MYBL2: variants seen among roughly 807,000 people sequenced by gnomAD.
MYBL2 encodes myb-related protein B.
MYBL2 carries 28 observed loss-of-function variants against 79.9 expected under a neutral mutation model. The observed-to-expected ratio is 0.35, with a 90% confidence interval of 0.26 to 0.48. The LOEUF is 0.48. Among genes scored for constraint, MYBL2 ranks in the 20% least tolerant of loss-of-function variants. The pLI, the probability that MYBL2 is intolerant of heterozygous loss-of-function variation, is 0.99. For synonymous variants in MYBL2, 378 were observed against 361.2 expected (o/e 1.05, Z -0.53); for missense variants, 735 against 893.9 (o/e 0.82, Z 2.27).
intron 1 of MYBL2, among the ~76,000 whole-genome samples, chr20:43,668,827 A>G (rs1167951538): frequency 1.3e-5 from 2 of 151,882 alleles, no homozygotes; most frequent in Non-Finnish European, 2.9e-5. Flanking sequence ...CTGCAGGCTG[A>G]GTAGCTGGGA....
chr20:43,681,155 G>T (rs1047140777), intron 2 of MYBL2, among the ~76,000 whole-genome samples: 1 of 152,186 alleles, frequency 6.6e-6, no homozygotes, highest in African/African-American at 2.4e-5. Context: ...ATACTAGCCT[G>T]TCTTCTAACT....
At chr20:43,708,224 T>C (rs566446192) in intron 9 of MYBL2, among the ~76,000 whole-genome samples, 24 of 152,198 alleles carry the variant, frequency 1.6e-4, no homozygotes, top group Admixed American at 2.6e-4. Context: ...CTCAGCCTTC[T>C]AACTAGCTGA....
intron 6 of MYBL2, among the ~76,000 whole-genome samples, chr20:43,697,672 G>C (rs1283569632): frequency 1.3e-5 from 2 of 152,006 alleles, no homozygotes; most frequent in Non-Finnish European, 2.9e-5. Flanking sequence ...GGGAGGCTGA[G>C]GCAGGCGGAT....
chr20:43,705,740 G>T (rs1255525014), intron 9 of MYBL2, among the ~76,000 whole-genome samples: 2 of 150,706 alleles, frequency 1.3e-5, no homozygotes, highest in Non-Finnish European at 2.9e-5. Context: ...TTGCTCTGTT[G>T]CCCAGGCTGG....
At chr20:43,674,234 C>CCT (rs33986259) in intron 2 of MYBL2, among the ~76,000 whole-genome samples, 768 of 72,172 alleles carry the variant, frequency 0.011, 72 homozygotes, top group Middle Eastern at 0.029. Flanking sequence ...TCCCCCCACC[C>CCT]TTTTTTTTTT....
At chr20:43,703,583 G>C (rs1197294978) in intron 8 of MYBL2, among the ~76,000 whole-genome samples, 1 of 152,192 alleles carries the variant, frequency 6.6e-6, no homozygotes, top group East Asian at 1.9e-4. Context: ...AGAAAAGGAA[G>C]GACAGAGTGG....
At chr20:43,699,349 G>C (rs567706081) in intron 6 of MYBL2, among the ~76,000 whole-genome samples, 21 of 152,298 alleles carry the variant, frequency 1.4e-4, no homozygotes, top group African/African-American at 5.1e-4. Context: ...CCCAACCTCT[G>C]TGTATTACTT....
In MYBL2 at chr20:43,680,906, C is replaced by T. The variant is rs79604422; in HGVS notation, c.115-878C>T. Among the ~76,000 whole-genome samples, 1,166 of 152,324 alleles carry T rather than the reference C, an allele frequency of 7.7e-3. 9 individuals carry two copies. Among genetic ancestry groups the T allele is most frequent in the African/African-American group, 0.026 (1,096 of 41,558 alleles). On this transcript the variant is annotated intron_variant, in intron 2 of 13. Transcript: ENST00000217026. Reference sequence around the variant, plus strand: ...CCACCAGCACAGCCGGGCTATAGGACATTTCCATTGTCCCCAAGACATTCC... The same window carrying T: ...CCACCAGCACAGCCGGGCTATAGGATATTTCCATTGTCCCCAAGACATTCC...
At chr20:43,687,779 G>A (rs982679849) in intron 5 of MYBL2, among the ~76,000 whole-genome samples, 3 of 152,070 alleles carry the variant, frequency 2.0e-5, no homozygotes, top group Non-Finnish European at 4.4e-5. Context: ...ACGTTGGGTG[G>A]CTGAGGTGGG....
intron 6 of MYBL2, among the ~76,000 whole-genome samples, chr20:43,696,643 A>G (rs1347543064): frequency 6.6e-6 from 1 of 152,304 alleles, no homozygotes; most frequent in Non-Finnish European, 1.5e-5. Context: ...TTTAACCATT[A>G]TATTGTCAAA....
At chr20:43,679,007 G>A (rs1336031036) in intron 2 of MYBL2, among the ~76,000 whole-genome samples, 2 of 152,108 alleles carry the variant, frequency 1.3e-5, no homozygotes, top group Non-Finnish European at 1.5e-5. Flanking sequence ...ACGTTGGGGA[G>A]TCCCAGGGTG....
intron 12 of MYBL2, among the ~76,000 whole-genome samples, chr20:43,713,309 C>T (rs188364065): frequency 2.2e-3 from 329 of 151,982 alleles, no homozygotes; most frequent in African/African-American, 7.6e-3. Context: ...GGCAGAGTTG[C>T]GCGGCTAGGA....
chr20:43,668,860 C>T (rs902907635), intron 1 of MYBL2, among the ~76,000 whole-genome samples: 1 of 151,988 alleles, frequency 6.6e-6, no homozygotes. Flanking sequence ...GCCGCCACAA[C>T]TGGCTAATTT....
In MYBL2 at chr20:43,715,865, GCTTATAACTCTA is replaced by G. The variant is rs374933642; in HGVS notation, c.1975-92_1975-81del. On this transcript the variant is annotated intron_variant, in intron 13 of 13. Transcript: ENST00000217026. ...AGGCTCTGGCTTCTAGGGGAGGGAG[GCTTATAACTCTA>G]CCCTTCCCTGGCCAGGATCACCAGG... The G allele has an allele frequency of 4.0e-4, 590 of 1,467,450 alleles. 6 individuals carry two copies. In the South Asian group the frequency reaches 7.5e-3, roughly 19 times the overall value. 90.9% of individuals were successfully genotyped at this position (1,467,450 alleles called of 1,614,324 possible). A position where few individuals can be genotyped will look rare whatever the true frequency, so the allele number is the denominator to read the frequency against.
intron 9 of MYBL2, among the ~76,000 whole-genome samples, chr20:43,706,767 G>A (rs1400802889): frequency 8.3e-6 from 1 of 120,852 alleles, no homozygotes; most frequent in African/African-American, 3.2e-5. Flanking sequence ...CCAGGCTGGA[G>A]TGCAGTGGTG....
At chr20:43,668,204 T>A (rs1463835268) in intron 1 of MYBL2, among the ~76,000 whole-genome samples, 1 of 140,432 alleles carries the variant, frequency 7.1e-6, no homozygotes, top group Non-Finnish European at 1.5e-5. Flanking sequence ...CTTTTTTTTT[T>A]TTTTTTTTTT....
chr20:43,672,377 G>A (rs1032537354), intron 1 of MYBL2, among the ~76,000 whole-genome samples: 1 of 57,022 alleles, frequency 1.8e-5, no homozygotes, highest in Non-Finnish European at 4.1e-5. Context: ...GATCCCTTGA[G>A]CCCAGGAGTT....
Position 43,667,136 on chromosome 20 carries a change from G to A in MYBL2, c.-148G>A, listed in dbSNP as rs1293704974. The A allele has an allele frequency of 2.9e-6, 1 of 342,074 alleles. No individual in the cohort carries two copies. Among genetic ancestry groups the A allele is most frequent in the Admixed American group, 5.3e-5 (1 of 19,008 alleles). The allele number at this position is 342,074 out of a possible 1,614,324, so 21.2% of individuals were successfully genotyped here. The stretch of plus-strand genomic sequence containing the variant: ...GGCGACTGCAGTTCCTGCGAGCGAG[G>A]AGCGCGGGACCTGCTGACACGCTGA... On this transcript the variant is annotated 5_prime_UTR_variant, in exon 1 of 14. Coordinates refer to ENST00000217026, the MANE Select transcript of MYBL2 (RefSeq NM_002466.4).
At chr20:43,674,164 A>C (rs966427512) in intron 2 of MYBL2, among the ~76,000 whole-genome samples, 1 of 145,504 alleles carries the variant, frequency 6.9e-6, no homozygotes, top group Non-Finnish European at 1.5e-5. Flanking sequence ...GTTCTATGTC[A>C]TGGACATTGA....
Sources: gnomAD v4.1 joint callset for allele counts (sites outside exome capture counted in the v4.1 genomes callset) on GRCh38, gnomAD v4.1.1 for gene constraint, MANE v1.5 for transcripts, NCBI Gene and HGNC (gene_info 2026-07-23, HGNC 2026-07-21) for gene names.